Variants in GMPPA observed in about 807,000 individuals in gnomAD.
GMPPA encodes GDP-mannose pyrophosphorylase A.
Under a neutral mutation model 58.6 loss-of-function variants are expected in GMPPA, and 46 were observed. The ratio of observed to expected loss-of-function variants is 0.78; its 90% CI spans 0.62 to 1.00. GMPPA has a LOEUF of 1.00. Among genes scored for constraint, GMPPA ranks in the 50% least tolerant of loss-of-function variants. The pLI, the probability that GMPPA is intolerant of heterozygous loss-of-function variation, is 0.00. For synonymous variants in GMPPA, 211 were observed against 214.9 expected, an observed-to-expected ratio of 0.98 and a Z score of 0.16; for missense variants, 468 against 556.4, an observed-to-expected ratio of 0.84 and a Z score of 1.60.
chr2:219,503,018 G>A (rs1694454327), intron 6 of GMPPA, among the ~76,000 whole-genome samples: 1 of 152,126 alleles, frequency 6.6e-6, no homozygotes, highest in African/African-American at 2.4e-5. Context: ...TTCCAGGCTG[G>A]AGTGCAGTGG....
chr2:219,500,538 T>G, intron 3 of GMPPA: 1 of 390,752 alleles, frequency 2.6e-6, no homozygotes, highest in Non-Finnish European at 4.7e-6. Context: ...CACAAATTCA[T>G]ATCCTTGATC....
intron 2 of GMPPA, 38 bp from the exon 3 acceptor site, chr2:219,500,083 G>A (rs764937990): frequency 1.3e-6 from 2 of 1,599,154 alleles, no homozygotes; most frequent in South Asian, 2.2e-5. Flanking sequence ...GGCAGAGGAA[G>A]GCAGGAGGCC....
chr2:219,506,020 G>A lies in GMPPA; in HGVS notation c.941G>A (p.Gly314Asp). The change falls in exon 11 of 13, where the codon GGT (glycine) becomes GAT (aspartate). Residue 314 changes from glycine to aspartate, a missense_variant. Gly to Asp is a moderately conservative substitution (Grantham distance 94). Coordinates refer to ENST00000313597, the MANE Select transcript of GMPPA (RefSeq NM_013335.4). ...TCCATCGGGAAGGGGGTGACCGTGG[G>A]TGAGGGTGTGCGGCTCCGGGAGAGC... ...NVSIGKGVTV[G>D]EGVRLRESIV... The A allele has an allele frequency of 6.3e-7, 1 of 1,596,336 alleles. No individual in the cohort carries two copies. Among genetic ancestry groups the A allele is most frequent in the Non-Finnish European group, 8.5e-7 (1 of 1,169,644 alleles).
At chr2:219,504,377 A>C in intron 7 of GMPPA, 164 bp downstream of exon 7, 1 of 628,842 alleles carries the variant, frequency 1.6e-6, no homozygotes, top group Non-Finnish European at 2.8e-6. Flanking sequence ...TCCCCTTCTA[A>C]CCTCATTCTG....
Position 219,500,191 on chromosome 2 carries a change from C to A in GMPPA, c.111C>A (p.Ile37=). 6.3e-7 allele frequency: 1 copy of A among 1,579,944 alleles called. No individual in the cohort carries two copies. Among genetic ancestry groups the A allele is most frequent in the Non-Finnish European group, 8.6e-7 (1 of 1,159,720 alleles). ...TTCCTGTGGCAGGGGTCCCTATGAT[C>A]CAACACCATATTGAAGCCTGTGCCC... is the stretch of plus-strand genomic sequence containing the variant. The part of the protein sequence containing the change: ...PLFPVAGVPM[I]QHHIEACAQV... The change falls in exon 3 of 13, where the codon ATC becomes ATA. Residue 37 remains isoleucine (I), a synonymous_variant. Coordinates refer to ENST00000313597, the MANE Select transcript of GMPPA (RefSeq NM_013335.4).
In GMPPA at chr2:219,506,687, C is replaced by G. The variant is rs1427453877; in HGVS notation, c.1163-11C>G. The G allele has an allele frequency of 1.3e-6, 2 of 1,516,852 alleles. No individual in the cohort carries two copies. The highest frequency in any genetic ancestry group is 2.7e-5 in the African/African-American group (2 of 72,950). The allele number at this position is 1,516,852 out of a possible 1,614,324, so 94.0% of individuals were successfully genotyped here. ...CCATGACCTCCCCTGGTGCCCTCAT[C>G]CATGCTGCAGGCTGCCGAGTCCGGA... On this transcript the variant is annotated splice_polypyrimidine_tract_variant and intron_variant, in intron 12 of 12. Coordinates refer to ENST00000313597, the MANE Select transcript of GMPPA (RefSeq NM_013335.4).
At chr2:219,506,537 C>T (rs1046157842) in intron 12 of GMPPA, 115 bp downstream of exon 12, 146 of 1,147,254 alleles carry the variant, frequency 1.3e-4, no homozygotes, top group Non-Finnish European at 1.7e-4. Context: ...AAACAGTTAC[C>T]AAGGGCCTGC....
At position 219,502,010 on chromosome 2, in the gene GMPPA, T is replaced by C. The variant is rs2125629960; in HGVS notation, c.402T>C (p.Arg134=). ...SAMLEAHRRQ[R]HPFLLLGTTA... is the part of the protein sequence containing the mutation. ...TGTTGGAAGCCCACCGACGCCAGCGTCACCCTTTCTTACTCCTTGGCACTA... is the reference window on the plus strand; with the variant it reads ...TGTTGGAAGCCCACCGACGCCAGCGCCACCCTTTCTTACTCCTTGGCACTA... Residue 134 remains arginine, a synonymous_variant, in exon 5 of 13, where the codon CGT becomes CGC. Coordinates refer to ENST00000313597, the MANE Select transcript of GMPPA (RefSeq NM_013335.4). This position sits in a 1 kb window ranked among gnomAD's most constrained non-coding sequence, Gnocchi z 4.0. 6.2e-7 allele frequency: 1 copy of C among 1,614,226 alleles called. No homozygotes were observed. Among genetic ancestry groups the C allele is most frequent in the East Asian group, 2.2e-5 (1 of 44,876 alleles).
rs13396066 is a variant in GMPPA, at chr2:219,502,419, T to C, written c.467T>C (p.Val156Ala). The C allele has an allele frequency of 2.2e-5, 36 of 1,613,748 alleles. No individual in the cohort carries two copies. Among genetic ancestry groups the C allele is most frequent in the Non-Finnish European group, 2.9e-5 (34 of 1,179,860 alleles). The change falls in exon 6 of 13, where the codon GTT (valine) becomes GCT (alanine). Residue 156 changes from valine to alanine, a missense_variant. Val to Ala is a moderately conservative substitution (Grantham distance 64, BLOSUM62 0). Coordinates refer to ENST00000313597, the MANE Select transcript of GMPPA (RefSeq NM_013335.4). This position sits in a 1 kb window ranked among gnomAD's most constrained non-coding sequence, Gnocchi z 4.0. ...CAATCCCTCAACTACGGCTGCATCG[T>C]TGAGAATCCACAGACACACGAGGTG... is the stretch of plus-strand genomic sequence containing the variant. ...RTQSLNYGCI[V>A]ENPQTHEVLH...
intron 11 of GMPPA, 45 bp downstream of exon 11, chr2:219,506,117 G>A: frequency 2.0e-6 from 3 of 1,475,340 alleles, no homozygotes; most frequent in Admixed American, 1.9e-5. Context: ...CCAAGAGGCT[G>A]CGGGGAGGGC....
Position 219,501,413 on chromosome 2 carries a change from G to C in GMPPA, c.139-63G>C. 4.7e-6 allele frequency: 5 copies of C among 1,068,778 alleles called. No individual in the cohort carries two copies. In the South Asian group the frequency reaches 6.3e-5, roughly 13 times the overall value. 66.2% of individuals were successfully genotyped at this position (1,068,778 alleles called of 1,614,324 possible). A position where few individuals can be genotyped will look rare whatever the true frequency, so the allele number is the denominator to read the frequency against. On this transcript the variant is annotated intron_variant, in intron 3 of 12. Transcript: ENST00000313597. ...TTTCTGGACTTTGGGCCAGCACCAA[G>C]GATTTCCCCAACATCCCCTCCTATT...
Position 219,500,555 on chromosome 2 carries a change from T to C in GMPPA, c.138+337T>C, listed in dbSNP as rs907680. On this transcript the variant is annotated intron_variant, in intron 3 of 12. Transcript: ENST00000313597. ...CAAATTCATATCCTTGATCACATTG[T>C]TGCTCATTTCTTTATTGCTTTTCGT... 1,911 of 319,516 alleles carry C rather than the reference T, an allele frequency of 6.0e-3. 32 individuals are homozygous for C. The highest frequency in any genetic ancestry group is 0.036 in the African/African-American group (1,748 of 47,994). The allele number at this position is 319,516 out of a possible 1,614,324, so 19.8% of individuals were successfully genotyped here.
Position 219,505,232 on chromosome 2 carries a change from G to T in GMPPA, c.625G>T (p.Asp209Tyr). The change falls in exon 8 of 13, where the codon GAC becomes TAC. Residue 209 changes from aspartate (D) to tyrosine (Y), a missense_variant. Physicochemically the swap from Asp to Tyr is radical, Grantham distance 160 (BLOSUM62 -3). Coordinates refer to ENST00000313597, the MANE Select transcript of GMPPA (RefSeq NM_013335.4). ...QRNQQDGQLE[D>Y]SPGLWPGAGT... Reference sequence around the variant, plus strand: ...AGCATTCTTCCTCTCTGCCAGGGAGGACTCACCAGGCTTGTGGCCAGGGGC... The same window carrying T: ...AGCATTCTTCCTCTCTGCCAGGGAGTACTCACCAGGCTTGTGGCCAGGGGC... 2 of 1,613,608 alleles carry T rather than the reference G, an allele frequency of 1.2e-6. No individual in the cohort carries two copies. Among genetic ancestry groups the T allele is most frequent in the Non-Finnish European group, 1.7e-6 (2 of 1,179,560 alleles).
At chr2:219,505,587 G>A (rs550099366) in intron 9 of GMPPA, 32 bp downstream of exon 9, 2 of 1,569,548 alleles carry the variant, frequency 1.3e-6, no homozygotes, top group African/African-American at 2.7e-5. Flanking sequence ...CTAACCTTTG[G>A]CTTCCACCCC....
chr2:219,502,329 C>A lies in GMPPA; in HGVS notation c.430-53C>A. 6.6e-7 allele frequency: 1 copy of A among 1,507,552 alleles called. No homozygotes were observed. Among genetic ancestry groups the A allele is most frequent in the Non-Finnish European group, 9.2e-7 (1 of 1,083,326 alleles). 93.4% of individuals were successfully genotyped at this position (1,507,552 alleles called of 1,614,324 possible). A position where few individuals can be genotyped will look rare whatever the true frequency, so the allele number is the denominator to read the frequency against. On this transcript the variant is annotated intron_variant, in intron 5 of 12. Coordinates refer to ENST00000313597, the MANE Select transcript of GMPPA (RefSeq NM_013335.4). This position sits in a 1 kb window ranked among gnomAD's most constrained non-coding sequence, Gnocchi z 4.0. ...CGGAGGGAAAGAAAGAAAAAACAGA[C>A]GTGGCTGCCCTGGAGCAGGCGGGTC... is the stretch of plus-strand genomic sequence containing the variant.
At chr2:219,505,079 C>T in intron 7 of GMPPA, 149 bp from the exon 8 acceptor site, 1 of 955,700 alleles carries the variant, frequency 1.0e-6, no homozygotes, top group South Asian at 1.7e-5. Context: ...TGTGAGCAGC[C>T]ACATCCCAGA....
chr2:219,499,756 T>G, intron 1 of GMPPA, 200 bp from the exon 2 acceptor site: 4 of 584,722 alleles, frequency 6.8e-6, no homozygotes, highest in South Asian at 4.2e-5. Context: ...GGGTTTGGGG[T>G]TTGGTTGGGG....
At chr2:219,506,611 G>T (rs1011828585) in intron 12 of GMPPA, 87 bp from the exon 13 acceptor site, 1 of 980,456 alleles carries the variant, frequency 1.0e-6, no homozygotes. Context: ...GGGCAGGAGG[G>T]CTCCCTCCCT....
chr2:219,499,719 T>TG, intron 1 of GMPPA: 2 of 584,010 alleles, frequency 3.4e-6, no homozygotes, highest in East Asian at 5.7e-5. Context: ...GTTTACATCT[T>TG]GGGGGAGGGC....
Sources: allele counts gnomAD v4.1 joint callset (sites outside exome capture counted in the v4.1 genomes callset), GRCh38; gene constraint gnomAD v4.1.1; non-coding constraint Gnocchi (gnomAD v3.1); transcripts MANE v1.5; gene names NCBI Gene and HGNC (gene_info 2026-07-23, HGNC 2026-07-21).